ARID1A: variants seen among roughly 807,000 people sequenced by gnomAD.
ARID1A encodes the protein AT-rich interactive domain-containing protein 1A.
ARID1A carries 20 observed loss-of-function variants against 212.6 expected under a neutral mutation model. The observed-to-expected ratio is 0.09, with a 90% CI of 0.07 to 0.14. ARID1A has a LOEUF of 0.14. Ranked by LOEUF, ARID1A falls within the 10% of genes least tolerant of loss-of-function variation. ARID1A has a pLI of 1.00. For missense variants in ARID1A, 2,587 were observed against 3,059.0 expected (o/e 0.85, Z 3.64); for synonymous variants, 1,376 against 1,222.1 (o/e 1.13, Z -2.63).
intron 1 of ARID1A, among the ~76,000 whole-genome samples, chr1:26,714,868 A>C (rs2080487122): frequency 6.6e-6 from 1 of 152,210 alleles, no homozygotes; most frequent in South Asian, 2.1e-4. Flanking sequence ...TGAAATAAAC[A>C]GTGGCATTGC....
chr1:26,738,876 GT>G (rs35110787), intron 4 of ARID1A, among the ~76,000 whole-genome samples: 7,733 of 116,558 alleles, frequency 0.066, 188 homozygotes, highest in Non-Finnish European at 0.086. Context: ...CTTTTCTTTT[GT>G]TTTTTTTTTT....
intron 4 of ARID1A, among the ~76,000 whole-genome samples, chr1:26,752,770 T>C (rs922084437): frequency 1.3e-5 from 2 of 150,384 alleles, no homozygotes; most frequent in Non-Finnish European, 3.0e-5. Flanking sequence ...CATTATGGAA[T>C]TTTTTATTCA....
intron 8 of ARID1A, among the ~76,000 whole-genome samples, 155 bp from the exon 9 acceptor site, chr1:26,766,066 A>G (rs957827056): frequency 6.6e-6 from 1 of 152,084 alleles, no homozygotes; most frequent in Non-Finnish European, 1.5e-5. Context: ...AAGAAAAATA[A>G]TATCTGGATG....
chr1:26,768,172 G>A lies in ARID1A; in HGVS notation c.3198+173G>A, dbSNP rs548086731. ...ACAGGTTTCCCAGAAGATAAGGCAG[G>A]AAGCAGAGACCTCCCTGGTAGTATG... is the stretch of plus-strand genomic sequence containing the variant. On this transcript the variant is annotated intron_variant, in intron 11 of 19. Transcript: ENST00000324856. 1.4e-3 allele frequency among the ~76,000 whole-genome samples: 212 copies of A among 152,278 alleles called. 2 individuals carry two copies. Among genetic ancestry groups the A allele is most frequent in the African/African-American group, 5.0e-3 (207 of 41,548 alleles).
chr1:26,696,799 G>A lies in ARID1A; in HGVS notation c.396G>A (p.Val132=), dbSNP rs1463677740. 1 of 1,340,682 alleles carries A rather than the reference G, an allele frequency of 7.5e-7. No homozygotes were observed. Among genetic ancestry groups the A allele is most frequent in the East Asian group, 3.1e-5 (1 of 32,246 alleles). 83.0% of individuals were successfully genotyped at this position (1,340,682 alleles called of 1,614,324 possible). Residue 132 remains valine, a synonymous_variant, in exon 1 of 20, where the codon GTG becomes GTA. Transcript: ENST00000324856. Reference sequence around the variant, plus strand: ...GCGGTGGCGGCAGCAGCGATGGGGTGGGGGCGCCTCCTCACTCAGCCGCGG... The same window carrying A: ...GCGGTGGCGGCAGCAGCGATGGGGTAGGGGCGCCTCCTCACTCAGCCGCGG... The part of the protein sequence containing the change: ...GGGGGGSSDG[V]GAPPHSAAAA...
At chr1:26,734,394 A>G (rs1368046874) in intron 4 of ARID1A, among the ~76,000 whole-genome samples, 3 of 142,816 alleles carry the variant, frequency 2.1e-5, no homozygotes, top group Admixed American at 7.3e-5. Context: ...CAGAGATGCT[A>G]CATGCCTTGT....
At chr1:26,726,663 C>G (rs760397486) in intron 1 of ARID1A, among the ~76,000 whole-genome samples, 1 of 152,310 alleles carries the variant, frequency 6.6e-6, no homozygotes, top group Non-Finnish European at 1.5e-5. Context: ...TGTCTCCTAC[C>G]CTTTTTTGGA....
rs754018917 is a variant in ARID1A at position 26,696,904 on chromosome 1, C to G, written c.501C>G (p.Ala167=). ...SPSAVAAAAA[A]VFHQQHGGQQ... is the part of the protein sequence containing the mutation. Reference sequence around the variant, plus strand: ...CTGCCGTCGCCGCCGCCGCGGCCGCCGTCTTCCACCAACAACATGGCGGAC... The same window carrying G: ...CTGCCGTCGCCGCCGCCGCGGCCGCGGTCTTCCACCAACAACATGGCGGAC... Residue 167 remains alanine (A), a synonymous_variant, in exon 1 of 20, where the codon GCC becomes GCG. Transcript: ENST00000324856. 2 of 1,385,410 alleles carry G rather than the reference C, an allele frequency of 1.4e-6. No homozygotes were observed. Among genetic ancestry groups the G allele is most frequent in the Non-Finnish European group, 1.9e-6 (2 of 1,069,922 alleles). The allele number at this position is 1,385,410 out of a possible 1,614,324, so 85.8% of individuals were successfully genotyped here. A position where few individuals can be genotyped will look rare whatever the true frequency, so the allele number is the denominator to read the frequency against.
intron 4 of ARID1A, among the ~76,000 whole-genome samples, chr1:26,741,466 C>T (rs1229149601): frequency 6.6e-6 from 1 of 152,138 alleles, no homozygotes; most frequent in Non-Finnish European, 1.5e-5. Context: ...TCCTCCGCTT[C>T]ATCCCAAAGA....
At chr1:26,745,791 C>A (rs764275126) in intron 4 of ARID1A, among the ~76,000 whole-genome samples, 4 of 152,208 alleles carry the variant, frequency 2.6e-5, no homozygotes, top group Non-Finnish European at 4.4e-5. Flanking sequence ...GTAGCTCACA[C>A]CTGTAATCCC....
chr1:26,767,337 C>G (rs554422030), intron 10 of ARID1A, among the ~76,000 whole-genome samples: 39 of 152,264 alleles, frequency 2.6e-4, no homozygotes, highest in African/African-American at 9.1e-4. Context: ...GCCTCAAGAT[C>G]ATGTTGTGAG....
intron 1 of ARID1A, among the ~76,000 whole-genome samples, chr1:26,711,297 T>TA (rs1299121975): frequency 1.3e-5 from 2 of 151,852 alleles, no homozygotes; most frequent in Admixed American, 6.6e-5. Flanking sequence ...TTTATATATA[T>TA]TTTTTAGTAG....
chr1:26,711,434 A>G (rs1022365204), intron 1 of ARID1A, among the ~76,000 whole-genome samples: 2 of 152,038 alleles, frequency 1.3e-5, no homozygotes, highest in African/African-American at 2.4e-5. Context: ...TTGCTCTTAT[A>G]AGGGCACTAA....
chr1:26,771,455 C>A lies in ARID1A; in HGVS notation c.3406+129C>A. On this transcript the variant is annotated intron_variant, in intron 12 of 19. Coordinates refer to ENST00000324856, the MANE Select transcript of ARID1A (RefSeq NM_006015.6). The surrounding 1 kb of genome is among the most constrained non-coding windows in gnomAD (Gnocchi z 5.4). Reference sequence around the variant, plus strand: ...ATCTGTGCTCTGCCTTGCCCTACCACAGGGCTTAACAGGTTGGCTGACTAG... The same window carrying A: ...ATCTGTGCTCTGCCTTGCCCTACCAAAGGGCTTAACAGGTTGGCTGACTAG... 1 of 980,112 alleles carries A rather than the reference C, an allele frequency of 1.0e-6. No homozygotes were observed. Among genetic ancestry groups the A allele is most frequent in the Non-Finnish European group, 1.5e-6 (1 of 668,688 alleles). 60.7% of individuals were successfully genotyped at this position (980,112 alleles called of 1,614,324 possible).
chr1:26,746,237 C>T (rs1239966148), intron 4 of ARID1A, among the ~76,000 whole-genome samples: 1 of 152,196 alleles, frequency 6.6e-6, no homozygotes, highest in African/African-American at 2.4e-5. Flanking sequence ...GAAGCATTTA[C>T]TCTGAAAGGA....
In ARID1A at chr1:26,767,794, C is replaced by G. The variant is rs768336321; in HGVS notation, c.2993C>G (p.Ser998Cys). The G allele has an allele frequency of 1.2e-6, 2 of 1,612,650 alleles. No homozygotes were observed. The highest frequency in any genetic ancestry group is 1.7e-6 in the Non-Finnish European group (2 of 1,179,156). The change falls in exon 11 of 20, where the codon TCC becomes TGC. Residue 998 changes from serine (S) to cysteine (C), a missense_variant. Around this residue, in one of 11 missense-constraint regions of ARID1A, gnomAD observed 674 missense variants for 813.4 expected, o/e 0.83. Coordinates refer to ENST00000324856, the MANE Select transcript of ARID1A (RefSeq NM_006015.6). The stretch of plus-strand genomic sequence containing the variant: ...ATTTTGACCTGAACCTTCCAGAAAT[C>G]CAGTTCTTCTACTACAACCAATGAG... Reference protein sequence around the residue: ...TPKTESKSKKSSSSTTTNEKI... With the variant: ...TPKTESKSKKCSSSTTTNEKI...
chr1:26,748,766 G>A (rs529410049), intron 4 of ARID1A, among the ~76,000 whole-genome samples: 3 of 152,156 alleles, frequency 2.0e-5, no homozygotes, highest in East Asian at 3.9e-4. Flanking sequence ...GTATTATACA[G>A]GCCTGATGGG....
At chr1:26,731,937 G>C (rs940921258) in intron 3 of ARID1A, among the ~76,000 whole-genome samples, 4 of 151,974 alleles carry the variant, frequency 2.6e-5, no homozygotes, top group African/African-American at 7.3e-5. Context: ...CAGCATCTAA[G>C]TGAGTTGGTC....
chr1:26,779,369 T>A lies in ARID1A; in HGVS notation c.5471T>A (p.Val1824Glu). ...VKIVQKNDPFVVDCSDKLGRV... is the reference protein window; with the variant it reads ...VKIVQKNDPFEVDCSDKLGRV... ...ATCGTACAGAAGAATGATCCATTTG[T>A]GGTGGACTGCTCAGATAAGCTTGGG... Residue 1824 changes from valine (V) to glutamate (E), a missense_variant, in exon 20 of 20, where the codon GTG becomes GAG. By Grantham distance (121) the Val-to-Glu change is moderately radical (BLOSUM62 -2). Around this residue, in one of 11 missense-constraint regions of ARID1A, gnomAD observed 890 missense variants for 1,098.2 expected, o/e 0.81. Coordinates refer to ENST00000324856, the MANE Select transcript of ARID1A (RefSeq NM_006015.6). The A allele has an allele frequency of 6.2e-7, 1 of 1,614,246 alleles. No homozygotes were observed. The highest frequency in any genetic ancestry group is 8.5e-7 in the Non-Finnish European group (1 of 1,180,042).
Sources: gnomAD v4.1 joint callset for allele counts (sites outside exome capture counted in the v4.1 genomes callset) on GRCh38, gnomAD v4.1.1 for gene constraint, gnomAD v4.1.1 regional missense constraint, Gnocchi (gnomAD v3.1) non-coding constraint, MANE v1.5 for transcripts, NCBI Gene and HGNC (gene_info 2026-07-23, HGNC 2026-07-21) for gene names.